Variants in ADAMTS19 observed in about 807,000 individuals in gnomAD.
ADAMTS19 encodes the protein A disintegrin and metalloproteinase with thrombospondin motifs 19.
A neutral mutation model predicts 153.3 loss-of-function variants in ADAMTS19; 93 were observed. The observed-to-expected ratio is 0.61, with a 90% confidence interval of 0.51 to 0.72. The LOEUF is 0.72. Ranked by LOEUF, ADAMTS19 falls within the 30% of genes least tolerant of loss-of-function variation. ADAMTS19 has a pLI of 0.00. For missense variants in ADAMTS19, 1,482 were observed against 1,552.1 expected (o/e 0.95, Z 0.76); for synonymous variants, 600 against 556.6 (o/e 1.08, Z -1.10).
intron 21 of ADAMTS19, among the ~76,000 whole-genome samples, chr5:129,726,295 T>A (rs1159840261): frequency 6.6e-6 from 1 of 152,118 alleles, no homozygotes; most frequent in African/African-American, 2.4e-5. Flanking sequence ...AATACAAGAC[T>A]CTCTTTTTAA....
intron 12 of ADAMTS19, among the ~76,000 whole-genome samples, chr5:129,648,460 TCC>T (rs1753165696): frequency 6.6e-6 from 1 of 152,136 alleles, no homozygotes; most frequent in African/African-American, 2.4e-5. Flanking sequence ...TAAAAACACC[TCC>T]TTAAAAATTC....
intron 3 of ADAMTS19, among the ~76,000 whole-genome samples, chr5:129,518,571 A>G (rs937037072): frequency 6.6e-6 from 1 of 151,848 alleles, no homozygotes; most frequent in Non-Finnish European, 1.5e-5. Context: ...TTGGAGCTCA[A>G]TTGTATGTTT....
At chr5:129,623,318 T>C (rs968170360) in intron 10 of ADAMTS19, among the ~76,000 whole-genome samples, 1 of 152,140 alleles carries the variant, frequency 6.6e-6, no homozygotes, top group Non-Finnish European at 1.5e-5. Context: ...AGTAACCTTT[T>C]TTTTTCTTTC....
chr5:129,642,960 T>A (rs1447777867), intron 11 of ADAMTS19, among the ~76,000 whole-genome samples: 1 of 151,928 alleles, frequency 6.6e-6, no homozygotes, highest in Non-Finnish European at 1.5e-5. Context: ...TGGTGAGAAG[T>A]GAGAAACAAT....
At chr5:129,609,646 C>T (rs1188598494) in intron 8 of ADAMTS19, among the ~76,000 whole-genome samples, 3 of 152,084 alleles carry the variant, frequency 2.0e-5, no homozygotes, top group Admixed American at 6.6e-5. Flanking sequence ...AGCAATTTTT[C>T]CAAGTTAACT....
intron 7 of ADAMTS19, among the ~76,000 whole-genome samples, chr5:129,574,757 C>T (rs1477722524): frequency 5.3e-5 from 8 of 151,716 alleles, no homozygotes; most frequent in Admixed American, 6.6e-5. Flanking sequence ...TTATTCTCCT[C>T]ATTTGACCTT....
rs960184842 is a variant in ADAMTS19, at chr5:129,661,165, G to A, written c.2425+2428G>A. The stretch of plus-strand genomic sequence containing the variant: ...TGTTTACCACATCTGTATCCATATC[G>A]TTTAGCTCTAGTCAGATTTATAATT... On this transcript the variant is annotated intron_variant, in intron 15 of 22. Coordinates refer to ENST00000274487, the MANE Select transcript of ADAMTS19 (RefSeq NM_133638.6). Among the ~76,000 whole-genome samples, 5 of 152,080 alleles carry A rather than the reference G, an allele frequency of 3.3e-5. 1 individual carries two copies. The highest frequency in any genetic ancestry group is 2.6e-4 in the Admixed American group (4 of 15,256).
At chr5:129,625,650 AG>A (rs1309241587) in intron 10 of ADAMTS19, among the ~76,000 whole-genome samples, 2 of 152,158 alleles carry the variant, frequency 1.3e-5, no homozygotes, top group African/African-American at 4.8e-5. Flanking sequence ...TCTTTTGAAA[AG>A]TGTCTGGTCA....
At chr5:129,671,807 T>C (rs1487240880) in intron 16 of ADAMTS19, among the ~76,000 whole-genome samples, 2 of 152,112 alleles carry the variant, frequency 1.3e-5, no homozygotes, top group Admixed American at 1.3e-4. Context: ...GCAAAATCAT[T>C]CCATCTCATG....
intron 2 of ADAMTS19, among the ~76,000 whole-genome samples, chr5:129,482,262 T>A (rs1750439205): frequency 6.6e-6 from 1 of 152,172 alleles, no homozygotes; most frequent in Admixed American, 6.6e-5. Flanking sequence ...CTTCACCCTC[T>A]ATCACGCATA....
At chr5:129,501,091 C>A (rs1472645783) in intron 2 of ADAMTS19, among the ~76,000 whole-genome samples, 1 of 151,906 alleles carries the variant, frequency 6.6e-6, no homozygotes, top group Non-Finnish European at 1.5e-5. Flanking sequence ...ATGTAATTAT[C>A]CTGTATGATA....
chr5:129,530,468 G>A (rs572199897), intron 6 of ADAMTS19, among the ~76,000 whole-genome samples: 209 of 152,278 alleles, frequency 1.4e-3, no homozygotes, highest in African/African-American at 4.3e-3. Context: ...TGGGTTGAGC[G>A]TTGTGGGGAG....
intron 6 of ADAMTS19, among the ~76,000 whole-genome samples, chr5:129,539,197 G>GT: frequency 6.6e-6 from 1 of 152,224 alleles, no homozygotes. Flanking sequence ...CTTTGCAAAT[G>GT]TGATTAAGGA....
At chr5:129,685,782 T>C (rs1755057092) in intron 18 of ADAMTS19, among the ~76,000 whole-genome samples, 1 of 152,142 alleles carries the variant, frequency 6.6e-6, no homozygotes, top group Non-Finnish European at 1.5e-5. Context: ...TGTTTGCCAA[T>C]GTGCATTTTT....
At chr5:129,648,397 C>T (rs998774046) in intron 12 of ADAMTS19, among the ~76,000 whole-genome samples, 2 of 152,142 alleles carry the variant, frequency 1.3e-5, no homozygotes, top group African/African-American at 4.8e-5. Flanking sequence ...GAGCTTTAAA[C>T]TCTATTGGTG....
At chr5:129,530,208 AC>A (rs1342457022) in intron 6 of ADAMTS19, among the ~76,000 whole-genome samples, 9 of 152,208 alleles carry the variant, frequency 5.9e-5, no homozygotes, top group African/African-American at 1.9e-4. Flanking sequence ...TGAAAATGTG[AC>A]CCATGGTCAG....
chr5:129,504,154 C>T (rs1010362254), intron 2 of ADAMTS19, among the ~76,000 whole-genome samples: 3 of 152,120 alleles, frequency 2.0e-5, no homozygotes, highest in African/African-American at 7.2e-5. Context: ...TCAAACCAGA[C>T]ATCTTCCACC....
rs147635091 is a variant in ADAMTS19, at chr5:129,683,409, TTA to T, written c.2665-699_2665-698del. 4.7e-4 allele frequency among the ~76,000 whole-genome samples: 71 copies of T among 151,510 alleles called. 1 individual carries two copies. The highest frequency in any genetic ancestry group is 2.7e-3 in the East Asian group (14 of 5,152). On this transcript the variant is annotated intron_variant, in intron 17 of 22. Coordinates refer to ENST00000274487, the MANE Select transcript of ADAMTS19 (RefSeq NM_133638.6). ...GTATTTTTATGGTTTATTGAACTATTTATATATATATATGTGCATAACTGTAC... is the reference window on the plus strand; with the variant it reads ...GTATTTTTATGGTTTATTGAACTATTTATATATATATGTGCATAACTGTAC...
intron 11 of ADAMTS19, among the ~76,000 whole-genome samples, chr5:129,642,703 C>G (rs1260009976): frequency 6.6e-6 from 1 of 152,102 alleles, no homozygotes; most frequent in African/African-American, 2.4e-5. Context: ...CTCTGAAGAG[C>G]ATGAATGTGT....
Sources: allele counts gnomAD v4.1 joint callset (sites outside exome capture counted in the v4.1 genomes callset), GRCh38; gene constraint gnomAD v4.1.1; transcripts MANE v1.5; gene names NCBI Gene and HGNC (gene_info 2026-07-23, HGNC 2026-07-21).